Variants in IDO2 observed in about 807,000 individuals in gnomAD.
IDO2 encodes the protein indoleamine 2,3-dioxygenase 2, also known as indoleamine 2,3-dioxygenase-like 1 protein.
In IDO2, 46 loss-of-function variants were observed where a neutral mutation model predicts 45.1. The ratio of observed to expected loss-of-function variants is 1.02; its 90% CI spans 0.80 to 1.30. IDO2 has a LOEUF of 1.30. Among genes scored for constraint, IDO2 ranks in the 50% most tolerant of loss-of-function variants. The pLI is 0.00. For missense variants in IDO2, 544 were observed against 491.8 expected (o/e 1.11, Z -1.00); for synonymous variants, 218 against 184.9 (o/e 1.18, Z -1.45).
chr8:39,968,730 G>A (rs1585404537), intron 3 of IDO2, among the ~76,000 whole-genome samples: 1 of 151,988 alleles, frequency 6.6e-6, no homozygotes, highest in East Asian at 1.9e-4. Flanking sequence ...GGCTAGGGGA[G>A]GGAGAGCATT....
intron 1 of IDO2, among the ~76,000 whole-genome samples, chr8:39,947,668 T>C (rs1167480714): frequency 1.3e-5 from 2 of 152,190 alleles, no homozygotes; most frequent in African/African-American, 4.8e-5. Context: ...AGGTTATAAA[T>C]GACCCTGTCT....
intron 2 of IDO2, among the ~76,000 whole-genome samples, chr8:39,962,902 G>C (rs191738632): frequency 3.5e-4 from 53 of 152,312 alleles, no homozygotes; most frequent in Admixed American, 1.0e-3. Context: ...CATTTGATTG[G>C]TTAAAAGGCA....
chr8:39,976,691 T>C (rs1022968643), intron 3 of IDO2, among the ~76,000 whole-genome samples: 6 of 152,218 alleles, frequency 3.9e-5, no homozygotes, highest in Admixed American at 2.6e-4. Context: ...ACTGCATTTT[T>C]GCTTTTAGAG....
At chr8:39,979,818 G>GCC (rs1438322929) in intron 4 of IDO2, among the ~76,000 whole-genome samples, 16 of 151,630 alleles carry the variant, frequency 1.1e-4, no homozygotes, top group African/African-American at 3.6e-4. Context: ...GCATTTGAAG[G>GCC]CAGATTGCCT....
chr8:39,971,534 T>A (rs1041615985), intron 3 of IDO2, among the ~76,000 whole-genome samples: 1 of 152,208 alleles, frequency 6.6e-6, no homozygotes, highest in Non-Finnish European at 1.5e-5. Flanking sequence ...ACACAGATAA[T>A]GATCCCTCTG....
intron 5 of IDO2, among the ~76,000 whole-genome samples, chr8:39,983,330 A>G (rs972983644): frequency 1.3e-5 from 2 of 152,176 alleles, no homozygotes; most frequent in Non-Finnish European, 2.9e-5. Flanking sequence ...CAACAAACAG[A>G]ATTAGACAGA....
intron 3 of IDO2, among the ~76,000 whole-genome samples, chr8:39,968,499 T>G (rs1049212311): frequency 1.5e-4 from 23 of 152,300 alleles, no homozygotes; most frequent in African/African-American, 5.1e-4. Flanking sequence ...AAGAATGGAC[T>G]TTCATGTATG....
chr8:39,996,597 G>C (rs1286753798), intron 8 of IDO2, among the ~76,000 whole-genome samples: 1 of 151,618 alleles, frequency 6.6e-6, no homozygotes, highest in Non-Finnish European at 1.5e-5. Flanking sequence ...CTATCTCTTT[G>C]TCTTGTGTCT....
chr8:40,002,415 T>A lies in IDO2; in HGVS notation c.668-2912T>A, dbSNP rs139502338. On this transcript the variant is annotated intron_variant, in intron 8 of 10. Transcript: ENST00000502986. Reference sequence around the variant, plus strand: ...AGCAGAGCAAACCCCGTCACCTTGCTTTTCTCCTCCAGCATCGCTTGTGCT... The same window carrying A: ...AGCAGAGCAAACCCCGTCACCTTGCATTTCTCCTCCAGCATCGCTTGTGCT... Among the ~76,000 whole-genome samples, 346 of 152,310 alleles carry A rather than the reference T, an allele frequency of 2.3e-3. 1 individual carries two copies. The highest frequency in any genetic ancestry group is 8.1e-3 in the African/African-American group (335 of 41,558).
intron 8 of IDO2, among the ~76,000 whole-genome samples, chr8:39,993,214 A>T (rs186063627): frequency 1.3e-5 from 2 of 151,990 alleles, no homozygotes; most frequent in Admixed American, 6.6e-5. Context: ...TGTTGAGATT[A>T]TTAAGACATG....
At chr8:40,005,074 A>G (rs1230019072) in intron 8 of IDO2, among the ~76,000 whole-genome samples, 1 of 151,988 alleles carries the variant, frequency 6.6e-6, no homozygotes, top group Non-Finnish European at 1.5e-5. Context: ...TTTTGTTGTT[A>G]TTATTAAGTA....
chr8:39,991,851 G>A (rs1423241558), intron 8 of IDO2, among the ~76,000 whole-genome samples: 2 of 152,174 alleles, frequency 1.3e-5, no homozygotes, highest in Non-Finnish European at 2.9e-5. Context: ...GATTACAGCC[G>A]TGAGCCACTG....
intron 3 of IDO2, among the ~76,000 whole-genome samples, chr8:39,973,745 C>CTT (rs11440885): frequency 0.031 from 4,565 of 145,972 alleles, 194 homozygotes; most frequent in East Asian, 0.23. Context: ...TCGTTTTCTT[C>CTT]TTTTTTTTTT....
chr8:39,995,249 C>CTTT (rs1563438300), intron 8 of IDO2: 1 of 101,652 alleles, frequency 9.8e-6, no homozygotes, highest in African/African-American at 5.1e-5. Context: ...CCTTCTCCTT[C>CTTT]TCCTTCTTCT....
intron 5 of IDO2, among the ~76,000 whole-genome samples, chr8:39,983,300 A>G (rs1192284955): frequency 6.6e-6 from 1 of 152,204 alleles, no homozygotes. Flanking sequence ...ATAGCATGAG[A>G]TTTTAACAAA....
chr8:39,981,089 TCTCA>T (rs1190431655), intron 4 of IDO2, among the ~76,000 whole-genome samples: 4 of 136,256 alleles, frequency 2.9e-5, no homozygotes, highest in Non-Finnish European at 6.2e-5. Context: ...CGAGACGGAG[TCTCA>T]CTCTGTCACC....
In IDO2 at chr8:39,998,053, C is replaced by T. The variant is rs115732790; in HGVS notation, c.668-7274C>T. ...CCACCAATTCCCTTCTCTCCTTTCA[C>T]AGCCTTTCTGAGTTTCTGAGGGATA... is the stretch of plus-strand genomic sequence containing the variant. On this transcript the variant is annotated intron_variant, in intron 8 of 10. Coordinates refer to ENST00000502986, the Ensembl canonical transcript of IDO2. The T allele has an allele frequency of 5.5e-3, 1,289 of 233,682 alleles. 16 individuals carry two copies. Among genetic ancestry groups the T allele is most frequent in the African/African-American group, 0.027 (1,186 of 43,708 alleles). The allele number at this position is 233,682 out of a possible 1,614,324, so 14.5% of individuals were successfully genotyped here.
chr8:39,964,413 G>A (rs1808051022), intron 3 of IDO2, among the ~76,000 whole-genome samples: 3 of 152,146 alleles, frequency 2.0e-5, no homozygotes, highest in African/African-American at 2.4e-5. Context: ...CCCTTTTGTA[G>A]TTCTTGTCCT....
chr8:39,954,942 C>CA (rs1807868550), intron 2 of IDO2, among the ~76,000 whole-genome samples: 1 of 151,712 alleles, frequency 6.6e-6, no homozygotes, highest in Non-Finnish European at 1.5e-5. Context: ...CAGGCATAAG[C>CA]TACTGTGCCC....
Sources: gnomAD v4.1 joint callset for allele counts (sites outside exome capture counted in the v4.1 genomes callset) on GRCh38, gnomAD v4.1.1 for gene constraint, MANE v1.5 for transcripts, NCBI Gene and HGNC (gene_info 2026-07-23, HGNC 2026-07-21) for gene names.